Variants in C9orf85 observed in about 807,000 individuals in gnomAD.
C9orf85 encodes uncharacterized protein C9orf85.
Under a neutral mutation model 14.9 loss-of-function variants are expected in C9orf85, and 16 were observed. The ratio of observed to expected loss-of-function variants is 1.08; its 90% CI spans 0.73 to 1.63. The LOEUF is 1.63. C9orf85 is among the 40% of genes most tolerant of loss of function. C9orf85 has a pLI of 0.00. For synonymous variants in C9orf85, 45 were observed against 56.8 expected (o/e 0.79, Z 0.93); for missense variants, 172 against 186.1 (o/e 0.92, Z 0.44).
chr9:71,930,840 G>A (rs565141186), intron 1 of C9orf85, among the ~76,000 whole-genome samples: 4 of 149,242 alleles, frequency 2.7e-5, no homozygotes, highest in East Asian at 1.9e-4. Flanking sequence ...CACAAACAAA[G>A]GTTGAGAATC....
At chr9:71,944,271 A>G (rs1357064146) in intron 1 of C9orf85, among the ~76,000 whole-genome samples, 1 of 151,794 alleles carries the variant, frequency 6.6e-6, no homozygotes, top group African/African-American at 2.4e-5. Context: ...TGGCTAAGAC[A>G]TTTTTAAGAC....
intron 1 of C9orf85, among the ~76,000 whole-genome samples, chr9:71,945,669 A>G (rs1252250225): frequency 6.6e-6 from 1 of 152,256 alleles, no homozygotes; most frequent in African/African-American, 2.4e-5. Flanking sequence ...ACTTTCAAGA[A>G]TATCAAGCGC....
chr9:71,978,157 T>C (rs1221674106), downstream of C9orf85, among the ~76,000 whole-genome samples: 1 of 152,250 alleles, frequency 6.6e-6, no homozygotes, highest in Non-Finnish European at 1.5e-5. Flanking sequence ...TCACCCAGGC[T>C]GGAGTGCAGT....
downstream of C9orf85, among the ~76,000 whole-genome samples, chr9:71,973,880 C>CT (rs1286857405): frequency 3.6e-5 from 5 of 138,804 alleles, 1 homozygote; most frequent in Admixed American, 3.6e-4. Flanking sequence ...TTTAACTCTT[C>CT]TTTTTTTATT....
intron 1 of C9orf85, among the ~76,000 whole-genome samples, chr9:71,946,330 A>G (rs1019022176): frequency 1.3e-5 from 2 of 152,180 alleles, no homozygotes; most frequent in African/African-American, 4.8e-5. Flanking sequence ...ACTCACGGGG[A>G]GGATTTGAAT....
At chr9:71,958,937 G>A (rs1822444331) in intron 2 of C9orf85, among the ~76,000 whole-genome samples, 1 of 152,000 alleles carries the variant, frequency 6.6e-6, no homozygotes, top group Non-Finnish European at 1.5e-5. Flanking sequence ...CATTCTGAAG[G>A]CTCCTGTGTA....
intron 1 of C9orf85, among the ~76,000 whole-genome samples, chr9:71,930,668 G>A (rs1164443477): frequency 1.3e-5 from 2 of 151,538 alleles, no homozygotes; most frequent in South Asian, 2.1e-4. Context: ...AGCCAGGCAT[G>A]GTGGCACATG....
intron 1 of C9orf85, among the ~76,000 whole-genome samples, chr9:71,946,300 A>G (rs1298168086): frequency 6.6e-6 from 1 of 152,216 alleles, no homozygotes; most frequent in Non-Finnish European, 1.5e-5. Context: ...AGGACAGCCC[A>G]ATTTCTCAGT....
chr9:71,971,975 CAAAAA>C (rs1280978130), intron 3 of C9orf85, among the ~76,000 whole-genome samples: 1 of 53,282 alleles, frequency 1.9e-5, no homozygotes, highest in African/African-American at 6.8e-5. Flanking sequence ...GACTCCATCT[CAAAAA>C]AAAAAAAAAA....
intron 1 of C9orf85, among the ~76,000 whole-genome samples, chr9:71,945,921 G>T (rs1822075720): frequency 6.6e-6 from 1 of 152,172 alleles, no homozygotes; most frequent in African/African-American, 2.4e-5. Flanking sequence ...AGTACTCAGT[G>T]AAAATATATA....
intron 2 of C9orf85, among the ~76,000 whole-genome samples, chr9:71,961,825 T>C (rs1353739859): frequency 3.3e-5 from 5 of 152,182 alleles, no homozygotes; most frequent in African/African-American, 4.8e-5. Flanking sequence ...CCCTAAAGTA[T>C]TGAATAATTT....
Position 71,911,845 on chromosome 9 carries a change from CT to C in C9orf85, c.102+10del, listed in dbSNP as rs777185750. 5.0e-6 allele frequency: 8 copies of C among 1,611,470 alleles called. No homozygotes were observed. Among genetic ancestry groups the C allele is most frequent in the Non-Finnish European group, 6.8e-6 (8 of 1,177,750 alleles). On this transcript the variant is annotated intron_variant, in intron 1 of 3. Coordinates refer to ENST00000334731, the MANE Select transcript of C9orf85 (RefSeq NM_182505.5). ...AAAGTGTGCAGACCAAGGTAGGAACCTGCCTGTTGCACCGTCTTTGACTCCA... is the reference window on the plus strand; with the variant it reads ...AAAGTGTGCAGACCAAGGTAGGAACCGCCTGTTGCACCGTCTTTGACTCCA...
At chr9:71,958,801 A>G (rs1822441206) in intron 2 of C9orf85, among the ~76,000 whole-genome samples, 1 of 152,078 alleles carries the variant, frequency 6.6e-6, no homozygotes, top group African/African-American at 2.4e-5. Flanking sequence ...GCTCCTCTAC[A>G]TAACCAGGCC....
chr9:71,969,989 G>A (rs966730708), intron 2 of C9orf85, among the ~76,000 whole-genome samples: 1 of 150,170 alleles, frequency 6.7e-6, no homozygotes, highest in African/African-American at 2.5e-5. Flanking sequence ...TTGTCGCCCA[G>A]GCTGGAGTGC....
intron 1 of C9orf85, among the ~76,000 whole-genome samples, chr9:71,937,852 CA>C (rs1219704029): frequency 4.6e-5 from 7 of 152,040 alleles, no homozygotes; most frequent in African/African-American, 7.2e-5. Flanking sequence ...TAAATTTGCT[CA>C]ACTTGGACTT....
chr9:71,968,671 G>T lies in C9orf85; in HGVS notation c.210-2834G>T, dbSNP rs1222386637. ...GAAATAAATTTTCGGTGCCACCAAA[G>T]AAATAGCACTCAAACATAAATTTTC... On this transcript the variant is annotated intron_variant, in intron 2 of 3. Transcript: ENST00000334731. Among the ~76,000 whole-genome samples, 9 of 152,138 alleles carry T rather than the reference G, an allele frequency of 5.9e-5. No homozygotes were observed. In the East Asian group the frequency reaches 1.5e-3, roughly 26 times the overall value.
At chr9:71,912,908 T>A (rs928163944) in intron 1 of C9orf85, among the ~76,000 whole-genome samples, 1 of 152,036 alleles carries the variant, frequency 6.6e-6, no homozygotes, top group Non-Finnish European at 1.5e-5. Context: ...ACTACTAATT[T>A]GCTCTTTGCT....
intron 1 of C9orf85, among the ~76,000 whole-genome samples, chr9:71,928,016 ACT>A (rs1345016214): frequency 6.6e-6 from 1 of 151,834 alleles, no homozygotes; most frequent in Non-Finnish European, 1.5e-5. Flanking sequence ...TGAAACTCCG[ACT>A]CTAACTAAAA....
intron 2 of C9orf85, among the ~76,000 whole-genome samples, chr9:71,956,514 G>GC (rs35321512): frequency 0.81 from 123,028 of 151,814 alleles, 50,729 homozygotes; most frequent in East Asian, 0.93. Context: ...CTCCCAGAGT[G>GC]CTGGAATTAC....
Sources: allele counts gnomAD v4.1 joint callset (sites outside exome capture counted in the v4.1 genomes callset), GRCh38; gene constraint gnomAD v4.1.1; transcripts MANE v1.5; gene names NCBI Gene and HGNC (gene_info 2026-07-23, HGNC 2026-07-21).